Variants in KCND3 observed in about 807,000 individuals in gnomAD.
KCND3 encodes the protein potassium voltage-gated channel subfamily D member 3.
Under a neutral mutation model 51.1 loss-of-function variants are expected in KCND3, and 9 were observed. The observed-to-expected ratio is 0.18, with a 90% CI of 0.11 to 0.31. The LOEUF (loss-of-function observed/expected upper bound fraction) is 0.31. Ranked by LOEUF, KCND3 falls within the 10% of genes least tolerant of loss-of-function variation. KCND3 has a pLI of 1.00. For missense variants in KCND3, 526 were observed against 903.8 expected, an observed-to-expected ratio of 0.58 and a Z score of 5.36; for synonymous variants, 349 against 368.0, an observed-to-expected ratio of 0.95 and a Z score of 0.59.
intron 3 of KCND3, among the ~76,000 whole-genome samples, chr1:111,784,667 A>G (rs1201670136): frequency 6.6e-6 from 1 of 152,178 alleles, no homozygotes; most frequent in Non-Finnish European, 1.5e-5. Flanking sequence ...CCATGGTGAC[A>G]GACTCAATGC....
intron 2 of KCND3, among the ~76,000 whole-genome samples, chr1:111,790,691 C>G (rs1664789319): frequency 6.6e-6 from 1 of 152,164 alleles, no homozygotes; most frequent in Non-Finnish European, 1.5e-5. Context: ...CTTCATAACC[C>G]CTAAAAGAAA....
In KCND3 at chr1:111,798,989, A is replaced by G. The variant is rs186595912; in HGVS notation, c.1107-11883T>C. Among the ~76,000 whole-genome samples the G allele has an allele frequency of 3.9e-3, 599 of 152,226 alleles. 4 individuals are homozygous for G. Among genetic ancestry groups the G allele is most frequent in the African/African-American group, 0.013 (552 of 41,526 alleles). On this transcript the variant is annotated intron_variant, in intron 2 of 7. Coordinates refer to ENST00000302127, the MANE Select transcript of KCND3 (RefSeq NM_001378969.1). Reference sequence around the variant, plus strand: ...AACATTTGCTTTGAGGTATACACCAACCGTAACCAGGTGATCCCTGATTTG... The same window carrying G: ...AACATTTGCTTTGAGGTATACACCAGCCGTAACCAGGTGATCCCTGATTTG...
chr1:111,842,843 T>C (rs1199448902), intron 2 of KCND3, among the ~76,000 whole-genome samples: 1 of 152,178 alleles, frequency 6.6e-6, no homozygotes, highest in Admixed American at 6.5e-5. Context: ...AAATCCCAGC[T>C]CTCCCCACCT....
chr1:111,897,757 C>T lies in KCND3; in HGVS notation c.1106+83864G>A, dbSNP rs537531646. On this transcript the variant is annotated intron_variant, in intron 2 of 7. Transcript: ENST00000302127. ...AAGCTGGCTTGCAGGTTTATGTGTA[C>T]ATATGTCACATGGGGAGAGGGCAGG... Among the ~76,000 whole-genome samples, 34 of 152,326 alleles carry T rather than the reference C, an allele frequency of 2.2e-4. No homozygotes were observed. In the South Asian group the frequency reaches 7.0e-3, roughly 32 times the overall value.
intron 2 of KCND3, among the ~76,000 whole-genome samples, chr1:111,923,627 A>G (rs887277866): frequency 6.6e-6 from 1 of 152,202 alleles, no homozygotes; most frequent in Non-Finnish European, 1.5e-5. Flanking sequence ...CTCCGGTGTT[A>G]TAACACCTGG....
At chr1:111,940,138 C>T (rs1366744014) in intron 2 of KCND3, among the ~76,000 whole-genome samples, 21 of 118,528 alleles carry the variant, frequency 1.8e-4, no homozygotes, top group South Asian at 5.5e-4. Flanking sequence ...CTTTGTCAGA[C>T]GGACAGATTG....
At chr1:111,978,504 A>C (rs954933346) in intron 2 of KCND3, among the ~76,000 whole-genome samples, 1 of 152,234 alleles carries the variant, frequency 6.6e-6, no homozygotes, top group Non-Finnish European at 1.5e-5. Context: ...GAATGGTTGA[A>C]CAAGGCTACA....
At chr1:111,798,600 G>GGT (rs1665162221) in intron 2 of KCND3, among the ~76,000 whole-genome samples, 1 of 151,800 alleles carries the variant, frequency 6.6e-6, no homozygotes, top group Non-Finnish European at 1.5e-5. Flanking sequence ...CAATCCCCCT[G>GGT]GTGTGTGTTC....
At chr1:111,945,552 T>C (rs1175261834) in intron 2 of KCND3, among the ~76,000 whole-genome samples, 2 of 152,166 alleles carry the variant, frequency 1.3e-5, no homozygotes, top group East Asian at 3.8e-4. Flanking sequence ...ACGGGGGAGC[T>C]TGGCAGCTGC....
intron 1 of KCND3, among the ~76,000 whole-genome samples, chr1:111,985,567 C>T (rs1308219318): frequency 6.6e-6 from 1 of 152,178 alleles, no homozygotes; most frequent in Non-Finnish European, 1.5e-5. Flanking sequence ...TTTATATGTG[C>T]CATTTTTTTT....
rs117159457 is a variant in KCND3, at chr1:111,812,571, G to A, written c.1107-25465C>T. 2.0e-4 allele frequency among the ~76,000 whole-genome samples: 30 copies of A among 152,342 alleles called. No homozygotes were observed. In the East Asian group the frequency reaches 4.4e-3, roughly 23 times the overall value. On this transcript the variant is annotated intron_variant, in intron 2 of 7. Coordinates refer to ENST00000302127, the MANE Select transcript of KCND3 (RefSeq NM_001378969.1). ...GCACCGTGCTAAGCACTTTCTTCAC[G>A]TGGACCTTTTACATTTTTAATCTGT...
chr1:111,892,280 C>G (rs1487206029), intron 2 of KCND3, among the ~76,000 whole-genome samples: 1 of 152,182 alleles, frequency 6.6e-6, no homozygotes, highest in Non-Finnish European at 1.5e-5. Context: ...CACTCAGCCC[C>G]CTAGACTCTC....
intron 2 of KCND3, among the ~76,000 whole-genome samples, chr1:111,818,034 G>A (rs979928931): frequency 2.0e-4 from 26 of 128,002 alleles, no homozygotes; most frequent in African/African-American, 6.5e-4. Flanking sequence ...ATAGGCACAC[G>A]CGCGTGCACA....
intron 2 of KCND3, among the ~76,000 whole-genome samples, chr1:111,799,747 A>G (rs1228919373): frequency 2.6e-5 from 4 of 152,214 alleles, no homozygotes; most frequent in African/African-American, 4.8e-5. Flanking sequence ...TCCTAGGAAA[A>G]ACACACTGAC....
rs186306527 is a variant in KCND3, at chr1:111,859,038, T to C, written c.1107-71932A>G. Among the ~76,000 whole-genome samples the C allele has an allele frequency of 1.8e-3, 268 of 152,314 alleles. 2 individuals are homozygous for C. Among genetic ancestry groups the C allele is most frequent in the Admixed American group, 3.6e-3 (55 of 15,298 alleles). Reference sequence around the variant, plus strand: ...GGTCTCCATTTCTCCCTCCTACTCATGTCCAGTTTTTTTCTCCACACAGCA... The same window carrying C: ...GGTCTCCATTTCTCCCTCCTACTCACGTCCAGTTTTTTTCTCCACACAGCA... On this transcript the variant is annotated intron_variant, in intron 2 of 7. Transcript: ENST00000302127.
chr1:111,965,489 C>CACACAT (rs1553184421), intron 2 of KCND3, among the ~76,000 whole-genome samples: 58 of 150,054 alleles, frequency 3.9e-4, no homozygotes, highest in Non-Finnish European at 6.8e-4. Flanking sequence ...CACACACACA[C>CACACAT]GCCAGGAGCA....
chr1:111,782,551 A>G lies in KCND3; in HGVS notation c.1270-1760T>C, dbSNP rs190831182. Among the ~76,000 whole-genome samples the G allele has an allele frequency of 7.2e-5, 11 of 152,298 alleles. No homozygotes were observed. In the East Asian group the frequency reaches 2.1e-3, roughly 29 times the overall value. ...CCCCTTGGCTAGATATTTACATTCA[A>G]GCAAGTTCCTCATCATTTGAGGATG... On this transcript the variant is annotated intron_variant, in intron 3 of 7. Transcript: ENST00000302127.
At chr1:111,941,055 CG>C (rs1404245630) in intron 2 of KCND3, among the ~76,000 whole-genome samples, 1 of 152,128 alleles carries the variant, frequency 6.6e-6, no homozygotes, top group African/African-American at 2.4e-5. Flanking sequence ...AGGAAAGCAG[CG>C]GGGCAGGAGG....
At chr1:111,809,637 T>C (rs7540031) in intron 2 of KCND3, among the ~76,000 whole-genome samples, 12,459 of 151,892 alleles carry the variant, frequency 0.082, 898 homozygotes, top group African/African-American at 0.18. Context: ...CTTGGAAAAA[T>C]TGTCACATTT....
Sources: allele counts gnomAD v4.1 joint callset (sites outside exome capture counted in the v4.1 genomes callset), GRCh38; gene constraint gnomAD v4.1.1; transcripts MANE v1.5; gene names NCBI Gene and HGNC (gene_info 2026-07-23, HGNC 2026-07-21).